Variants in TMTC2 observed in about 807,000 individuals in gnomAD.
TMTC2 encodes protein O-mannosyl-transferase TMTC2.
In TMTC2, 43 loss-of-function variants were observed where a neutral mutation model predicts 82.4. That is an observed-to-expected ratio of 0.52 (90% CI 0.41 to 0.67). TMTC2 has a LOEUF of 0.67. Ranked by LOEUF, TMTC2 falls within the 30% of genes least tolerant of loss-of-function variation. The probability of loss-of-function intolerance (pLI) is 0.00; values close to 1 mark genes in which losing one functional copy is unlikely to be tolerated. For synonymous variants in TMTC2, 408 were observed against 381.9 expected, an observed-to-expected ratio of 1.07 and a Z score of -0.80; for missense variants, 919 against 1,012.4, an observed-to-expected ratio of 0.91 and a Z score of 1.25.
chr12:82,781,625 G>A (rs941800590), intron 1 of TMTC2, among the ~76,000 whole-genome samples: 2 of 150,948 alleles, frequency 1.3e-5, no homozygotes, highest in Admixed American at 6.6e-5. Context: ...TACTAATTAC[G>A]TATCATGCTA....
chr12:82,941,670 A>T (rs1239661396), intron 4 of TMTC2, among the ~76,000 whole-genome samples: 1 of 152,178 alleles, frequency 6.6e-6, no homozygotes, highest in Non-Finnish European at 1.5e-5. Flanking sequence ...ATCATTGTCC[A>T]CAAAGCATAA....
intron 11 of TMTC2, among the ~76,000 whole-genome samples, chr12:83,077,030 T>C (rs1452122608): frequency 6.6e-5 from 10 of 152,198 alleles, no homozygotes; most frequent in Admixed American, 6.5e-4. Flanking sequence ...GGAGATTTTA[T>C]TAAAGACTGT....
intron 1 of TMTC2, among the ~76,000 whole-genome samples, chr12:82,750,205 C>CT (rs1875911000): frequency 6.7e-6 from 1 of 149,942 alleles, no homozygotes; most frequent in Admixed American, 6.7e-5. Context: ...TGAAGTTCCT[C>CT]TTTTGTTTTA....
chr12:82,761,452 C>A (rs1286257686), intron 1 of TMTC2, among the ~76,000 whole-genome samples: 1 of 152,168 alleles, frequency 6.6e-6, no homozygotes, highest in East Asian at 1.9e-4. Context: ...ACAATTCACA[C>A]CCGTGGCCAT....
At chr12:82,803,589 A>G (rs1361548758) in intron 1 of TMTC2, among the ~76,000 whole-genome samples, 2 of 152,084 alleles carry the variant, frequency 1.3e-5, no homozygotes, top group African/African-American at 2.4e-5. Context: ...AAGAGACAAA[A>G]TGGCAAGAGT....
rs571897220 is a variant in TMTC2 at position 82,779,885 on chromosome 12, C to T, written c.84-77125C>T. Among the ~76,000 whole-genome samples, 6 of 152,052 alleles carry T rather than the reference C, an allele frequency of 3.9e-5. No homozygotes were observed. The South Asian group carries it at 6.2e-4, about 16-fold the overall frequency. ...CTGCACTCCAGCCTGGGCAACAGAGCGAGACTCCGTCTCAAAAAAAAAATA... is the reference window on the plus strand; with the variant it reads ...CTGCACTCCAGCCTGGGCAACAGAGTGAGACTCCGTCTCAAAAAAAAAATA... On this transcript the variant is annotated intron_variant, in intron 1 of 11. Transcript: ENST00000321196.
rs12297858 is a variant in TMTC2 at position 82,712,839 on chromosome 12, A to G, written c.83+25170A>G. Among the ~76,000 whole-genome samples the G allele has an allele frequency of 3.2e-3, 491 of 152,310 alleles. 2 individuals are homozygous for G. The highest frequency in any genetic ancestry group is 0.011 in the African/African-American group (477 of 41,574). ...GAAATGATCTAACAGAGAATCCTCTAACAGAAGTAGGATGAACAGATTAAA... is the reference window on the plus strand; with the variant it reads ...GAAATGATCTAACAGAGAATCCTCTGACAGAAGTAGGATGAACAGATTAAA... On this transcript the variant is annotated intron_variant, in intron 1 of 11. Coordinates refer to ENST00000321196, the MANE Select transcript of TMTC2 (RefSeq NM_152588.3).
chr12:83,039,359 A>G (rs756554655), intron 9 of TMTC2, among the ~76,000 whole-genome samples: 4 of 152,216 alleles, frequency 2.6e-5, no homozygotes, highest in Admixed American at 6.5e-5. Context: ...TAAGAAAGGA[A>G]TAAAGTAGAG....
chr12:82,820,410 G>A (rs967074864), intron 1 of TMTC2, among the ~76,000 whole-genome samples: 3 of 150,684 alleles, frequency 2.0e-5, no homozygotes, highest in Admixed American at 6.6e-5. Context: ...TTGCTATAAC[G>A]CCCAGGCTGG....
intron 11 of TMTC2, among the ~76,000 whole-genome samples, chr12:83,102,380 G>C (rs1240301962): frequency 6.6e-6 from 1 of 152,178 alleles, no homozygotes; most frequent in Non-Finnish European, 1.5e-5. Context: ...ATAGTCAAAG[G>C]AAGGCAAATT....
At chr12:83,083,021 A>G (rs187153406) in intron 11 of TMTC2, among the ~76,000 whole-genome samples, 1 of 152,214 alleles carries the variant, frequency 6.6e-6, no homozygotes, top group Non-Finnish European at 1.5e-5. Context: ...TGCCTGCTGC[A>G]TAACATTCCT....
intron 1 of TMTC2, among the ~76,000 whole-genome samples, chr12:82,749,223 C>A (rs1304064137): frequency 1.3e-5 from 2 of 152,212 alleles, no homozygotes; most frequent in African/African-American, 2.4e-5. Context: ...GTTTTTATAA[C>A]CTTCTTTTCC....
chr12:83,060,119 T>C (rs1044534423), intron 10 of TMTC2, among the ~76,000 whole-genome samples: 1 of 151,746 alleles, frequency 6.6e-6, no homozygotes, highest in African/African-American at 2.4e-5. Flanking sequence ...GACATTGAAA[T>C]TGAGCTTTAA....
At chr12:82,766,915 C>T (rs896106139) in intron 1 of TMTC2, among the ~76,000 whole-genome samples, 2 of 152,320 alleles carry the variant, frequency 1.3e-5, no homozygotes, top group East Asian at 1.9e-4. Context: ...TCTTCTGCCT[C>T]AGCCTCCCAA....
rs541318020 is a variant in TMTC2 at position 82,753,326 on chromosome 12, C to CTTTT, written c.83+65670_83+65673dup. Reference sequence around the variant, plus strand: ...AGTATGCTAGCTGAAAACATAATGGCTTTTTTTTTTTTTTTTGAGGAGAAG... The same window carrying CTTTT: ...AGTATGCTAGCTGAAAACATAATGGCTTTTTTTTTTTTTTTTTTTTGAGGAGAAG... On this transcript the variant is annotated intron_variant, in intron 1 of 11. Transcript: ENST00000321196. Among the ~76,000 whole-genome samples, 38 of 129,532 alleles carry CTTTT rather than the reference C, an allele frequency of 2.9e-4. 1 individual carries two copies. In the Middle Eastern group the frequency reaches 0.012, roughly 42 times the overall value. The allele number at this position is 129,532 out of a possible 152,430, so 85.0% of individuals were successfully genotyped here.
At chr12:82,994,497 T>G (rs1204128568) in intron 8 of TMTC2, among the ~76,000 whole-genome samples, 1 of 152,172 alleles carries the variant, frequency 6.6e-6, no homozygotes, top group Non-Finnish European at 1.5e-5. Context: ...ATCATCGTCA[T>G]TTAATGCAAT....
chr12:82,964,021 A>G (rs769751277), intron 4 of TMTC2, among the ~76,000 whole-genome samples: 2 of 151,404 alleles, frequency 1.3e-5, no homozygotes, highest in African/African-American at 2.4e-5. Flanking sequence ...GCTTAACAGA[A>G]TAAGTTTTTA....
intron 8 of TMTC2, among the ~76,000 whole-genome samples, chr12:83,024,285 G>A (rs1881067570): frequency 6.6e-6 from 1 of 151,974 alleles, no homozygotes; most frequent in African/African-American, 2.4e-5. Context: ...ATCAAATAAT[G>A]TTCCTTTTAT....
chr12:83,052,276 T>C (rs1362221400), intron 10 of TMTC2, among the ~76,000 whole-genome samples: 1 of 152,078 alleles, frequency 6.6e-6, no homozygotes, highest in Non-Finnish European at 1.5e-5. Context: ...CACCTGTAGT[T>C]ATAAAAAATA....
Sources: gnomAD v4.1 joint callset for allele counts (sites outside exome capture counted in the v4.1 genomes callset) on GRCh38, gnomAD v4.1.1 for gene constraint, MANE v1.5 for transcripts, NCBI Gene and HGNC (gene_info 2026-07-23, HGNC 2026-07-21) for gene names.